The following CRACR2A variants were observed in gnomAD, a reference collection of about 807,000 sequenced individuals.
CRACR2A encodes the protein EF-hand calcium-binding domain-containing protein 4B.
Under a neutral mutation model 90.5 loss-of-function variants are expected in CRACR2A, and 79 were observed. That is an observed-to-expected ratio of 0.87 (90% CI 0.73 to 1.05). The LOEUF (loss-of-function observed/expected upper bound fraction) is 1.05, where lower values mean the gene tolerates loss of function less well. CRACR2A is among the 50% of genes least tolerant of loss of function. The probability of loss-of-function intolerance (pLI) is 0.00; values close to 1 mark genes in which losing one functional copy is unlikely to be tolerated. For synonymous variants in CRACR2A, 338 were observed against 356.7 expected (o/e 0.95, Z 0.59); for missense variants, 823 against 897.2 (o/e 0.92, Z 1.06).
intron 7 of CRACR2A, among the ~76,000 whole-genome samples, chr12:3,666,824 G>A (rs1945159877): frequency 6.6e-6 from 1 of 152,220 alleles, no homozygotes; most frequent in African/African-American, 2.4e-5. Flanking sequence ...GAGGGTCTTA[G>A]AAAGTCGTCC....
rs189313278 is a variant in CRACR2A, at chr12:3,646,196, C to T, written c.1119-1556G>A. ...AAAGTGAGTTGACTGGGTCGCAGCG[C>T]GACTGCAGAATGCACTTGGGGATCA... On this transcript the variant is annotated intron_variant, in intron 11 of 19. Transcript: ENST00000440314. Among the ~76,000 whole-genome samples, 181 of 152,296 alleles carry T rather than the reference C, an allele frequency of 1.2e-3. 1 individual carries two copies. The highest frequency in any genetic ancestry group is 2.0e-3 in the Non-Finnish European group (138 of 68,016).
intron 10 of CRACR2A, among the ~76,000 whole-genome samples, chr12:3,649,095 G>C (rs1006927112): frequency 2.6e-5 from 4 of 152,016 alleles, no homozygotes; most frequent in Non-Finnish European, 4.4e-5. Context: ...TGGGGGAAGG[G>C]GGGAGGGATA....
chr12:3,718,920 G>A (rs971058747), intron 2 of CRACR2A, among the ~76,000 whole-genome samples: 3 of 152,146 alleles, frequency 2.0e-5, no homozygotes, highest in Admixed American at 6.5e-5. Flanking sequence ...GGTCCTACTT[G>A]AGCAGACAGG....
chr12:3,697,269 C>T (rs948610960), intron 3 of CRACR2A, among the ~76,000 whole-genome samples: 2 of 152,154 alleles, frequency 1.3e-5, no homozygotes, highest in Non-Finnish European at 2.9e-5. Flanking sequence ...AGAAGACAGA[C>T]ATCTCCAGAT....
chr12:3,641,977 T>TTA, intron 12 of CRACR2A, 139 bp from the exon 13 acceptor site: 1 of 710,730 alleles, frequency 1.4e-6, no homozygotes, highest in South Asian at 1.8e-5. Flanking sequence ...GGTCTCCCTG[T>TTA]TAGCGTCTAG....
At chr12:3,691,120 C>T (rs941028217) in intron 4 of CRACR2A, among the ~76,000 whole-genome samples, 2 of 152,150 alleles carry the variant, frequency 1.3e-5, no homozygotes, top group African/African-American at 2.4e-5. Context: ...TCACTCTCTG[C>T]CTTTTAATTG....
At chr12:3,707,768 T>C (rs1410815424) in intron 3 of CRACR2A, among the ~76,000 whole-genome samples, 2 of 152,238 alleles carry the variant, frequency 1.3e-5, no homozygotes, top group Non-Finnish European at 2.9e-5. Context: ...ATGTATTCCC[T>C]GGGCCCGGAA....
intron 15 of CRACR2A, among the ~76,000 whole-genome samples, chr12:3,632,044 G>A (rs1489788963): frequency 2.0e-5 from 3 of 152,146 alleles, no homozygotes; most frequent in Non-Finnish European, 2.9e-5. Flanking sequence ...GGAGGTGACT[G>A]GATCATGGGG....
chr12:3,616,646 A>G (rs1285132327), intron 19 of CRACR2A, among the ~76,000 whole-genome samples: 1 of 152,250 alleles, frequency 6.6e-6, no homozygotes, highest in Non-Finnish European at 1.5e-5. Flanking sequence ...GCCTTCCCCC[A>G]GAAGGATTGG....
intron 17 of CRACR2A, among the ~76,000 whole-genome samples, chr12:3,625,529 G>A (rs1014446187): frequency 6.6e-6 from 1 of 150,486 alleles, no homozygotes. Context: ...TTAGATACTG[G>A]GGGACAACTA....
At chr12:3,646,245 C>T (rs1297297315) in intron 11 of CRACR2A, among the ~76,000 whole-genome samples, 1 of 152,200 alleles carries the variant, frequency 6.6e-6, no homozygotes, top group East Asian at 1.9e-4. Context: ...CATCCGTTAA[C>T]ACAAGAGGTG....
chr12:3,615,334 G>C lies in CRACR2A; in HGVS notation c.*21C>G. On this transcript the variant is annotated 3_prime_UTR_variant, in exon 20 of 20. Transcript: ENST00000440314. ...GCTCTGTGACCTCAGGTTTGCTGGGGGCAGTCCTTGTAGGACCCTATCAGC... is the reference window on the plus strand; with the variant it reads ...GCTCTGTGACCTCAGGTTTGCTGGGCGCAGTCCTTGTAGGACCCTATCAGC... 1 of 1,549,188 alleles carries C rather than the reference G, an allele frequency of 6.5e-7. No homozygotes were observed. Among genetic ancestry groups the C allele is most frequent in the Non-Finnish European group, 8.7e-7 (1 of 1,144,722 alleles).
chr12:3,641,438 C>G (rs1944568314), intron 13 of CRACR2A, among the ~76,000 whole-genome samples: 1 of 152,240 alleles, frequency 6.6e-6, no homozygotes, highest in Non-Finnish European at 1.5e-5. Flanking sequence ...CTCCCTCCCT[C>G]TCCCTTGACC....
At chr12:3,671,484 C>T (rs1027758595) in intron 7 of CRACR2A, among the ~76,000 whole-genome samples, 3 of 152,114 alleles carry the variant, frequency 2.0e-5, no homozygotes, top group African/African-American at 4.8e-5. Context: ...CTCCTGATTC[C>T]GAGCCTCCCA....
chr12:3,691,998 G>T (rs755866133), intron 4 of CRACR2A, among the ~76,000 whole-genome samples: 2 of 152,112 alleles, frequency 1.3e-5, no homozygotes, highest in Non-Finnish European at 2.9e-5. Context: ...AGATCTATCT[G>T]GTCAGTTACA....
At chr12:3,749,176 C>A (rs1451901213) in intron 1 of CRACR2A, among the ~76,000 whole-genome samples, 2 of 152,214 alleles carry the variant, frequency 1.3e-5, no homozygotes, top group African/African-American at 4.8e-5. Flanking sequence ...TAAGGGAATA[C>A]ATGGACAGCC....
chr12:3,708,415 ATTTTCTTTTC>A (rs1014845728), intron 3 of CRACR2A, among the ~76,000 whole-genome samples: 4 of 151,812 alleles, frequency 2.6e-5, no homozygotes, highest in South Asian at 2.1e-4. Flanking sequence ...CCCTGGAAGC[ATTTTCTTTTC>A]TTTTCTTTTC....
chr12:3,690,149 C>G (rs1945628438), intron 4 of CRACR2A, among the ~76,000 whole-genome samples: 1 of 151,546 alleles, frequency 6.6e-6, no homozygotes, highest in Non-Finnish European at 1.5e-5. Flanking sequence ...TTTTCGTGTT[C>G]CAATCTCCTT....
At chr12:3,616,908 C>T in intron 19 of CRACR2A, 46 bp downstream of exon 19, 2 of 1,444,346 alleles carry the variant, frequency 1.4e-6, no homozygotes, top group South Asian at 1.2e-5. Flanking sequence ...AAGGCAGACA[C>T]AGCTGGACAC....
Sources: gnomAD v4.1 joint callset for allele counts (sites outside exome capture counted in the v4.1 genomes callset) on GRCh38, gnomAD v4.1.1 for gene constraint, MANE v1.5 for transcripts, NCBI Gene and HGNC (gene_info 2026-07-23, HGNC 2026-07-21) for gene names.